Variants in CACNA2D3 observed in about 807,000 individuals in gnomAD.
CACNA2D3 encodes voltage-dependent calcium channel subunit alpha-2/delta-3.
In CACNA2D3, 60 loss-of-function variants were observed where a neutral mutation model predicts 160.6. The ratio of observed to expected loss-of-function variants is 0.37; its 90% CI spans 0.30 to 0.46. The LOEUF is 0.46. Among genes scored for constraint, CACNA2D3 ranks in the 20% least tolerant of loss-of-function variants. The pLI is 1.00. For missense variants in CACNA2D3, 1,205 were observed against 1,365.0 expected (o/e 0.88, Z 1.85); for synonymous variants, 558 against 492.9 (o/e 1.13, Z -1.75).
At chr3:54,634,119 C>A (rs1413912606) in intron 10 of CACNA2D3, among the ~76,000 whole-genome samples, 1 of 152,188 alleles carries the variant, frequency 6.6e-6, no homozygotes, top group Admixed American at 6.5e-5. Flanking sequence ...GCATTAATAT[C>A]TTTAATTTGA....
chr3:54,908,491 A>C (rs1700491965), intron 27 of CACNA2D3, among the ~76,000 whole-genome samples: 1 of 152,114 alleles, frequency 6.6e-6, no homozygotes. Context: ...TGAGTCAGGT[A>C]GATTGCTTGA....
At chr3:54,188,910 GT>G (rs1700930911) in intron 2 of CACNA2D3, among the ~76,000 whole-genome samples, 1 of 152,128 alleles carries the variant, frequency 6.6e-6, no homozygotes, top group Non-Finnish European at 1.5e-5. Context: ...TGTGGTGTTT[GT>G]CCCCAGCAAC....
intron 2 of CACNA2D3, among the ~76,000 whole-genome samples, chr3:54,149,142 C>T (rs1239464302): frequency 6.6e-6 from 1 of 151,960 alleles, no homozygotes; most frequent in Non-Finnish European, 1.5e-5. Context: ...GAGGTAGAAT[C>T]CATACTTGTC....
At chr3:54,238,260 GT>G (rs1315477093) in intron 2 of CACNA2D3, among the ~76,000 whole-genome samples, 10 of 152,092 alleles carry the variant, frequency 6.6e-5, no homozygotes, top group South Asian at 2.1e-4. Context: ...GGAACCTTGG[GT>G]TTTATTTTAG....
intron 2 of CACNA2D3, among the ~76,000 whole-genome samples, chr3:54,268,176 A>T (rs1203442599): frequency 6.6e-6 from 1 of 152,122 alleles, no homozygotes; most frequent in Non-Finnish European, 1.5e-5. Context: ...TCATATGACA[A>T]ATTTTTAATG....
chr3:54,312,425 G>A (rs758333593), intron 2 of CACNA2D3, among the ~76,000 whole-genome samples: 6 of 151,986 alleles, frequency 3.9e-5, no homozygotes, highest in South Asian at 2.1e-4. Context: ...CCCCTCTTCC[G>A]TGTCTGGCTT....
At chr3:54,787,254 T>G (rs946518956) in intron 13 of CACNA2D3, among the ~76,000 whole-genome samples, 2 of 152,250 alleles carry the variant, frequency 1.3e-5, no homozygotes, top group Non-Finnish European at 2.9e-5. Flanking sequence ...CTGATTCTGT[T>G]GGTGTAAACC....
intron 4 of CACNA2D3, among the ~76,000 whole-genome samples, chr3:54,445,555 TACAC>T (rs3028897): frequency 0.16 from 23,207 of 147,142 alleles, 1,910 homozygotes; most frequent in Admixed American, 0.24. Context: ...TTTCTATGTA[TACAC>T]ACACACACAC....
chr3:54,644,668 T>C (rs182334748), intron 11 of CACNA2D3, among the ~76,000 whole-genome samples: 1 of 152,356 alleles, frequency 6.6e-6, no homozygotes, highest in African/African-American at 2.4e-5. Flanking sequence ...GGAATGTGAT[T>C]CCCATAAAAC....
At chr3:54,500,340 A>G (rs974778311) in intron 4 of CACNA2D3, among the ~76,000 whole-genome samples, 3 of 152,100 alleles carry the variant, frequency 2.0e-5, no homozygotes, top group Non-Finnish European at 4.4e-5. Flanking sequence ...TTGTATTTTA[A>G]TCTACTCTGC....
At chr3:54,987,389 AG>A (rs1354406470) in intron 30 of CACNA2D3, among the ~76,000 whole-genome samples, 1 of 152,158 alleles carries the variant, frequency 6.6e-6, no homozygotes, top group Non-Finnish European at 1.5e-5. Context: ...ACTCCATCCA[AG>A]GGTAGTGGGG....
intron 11 of CACNA2D3, among the ~76,000 whole-genome samples, chr3:54,736,106 TATGTATATATATAC>T (rs1278948865): frequency 3.3e-4 from 7 of 21,436 alleles, no homozygotes; most frequent in African/African-American, 6.7e-4. Flanking sequence ...TATACATATA[TATGTATATATATAC>T]ATATATATAT....
intron 2 of CACNA2D3, among the ~76,000 whole-genome samples, chr3:54,198,787 A>T (rs946750448): frequency 1.3e-5 from 2 of 151,912 alleles, no homozygotes; most frequent in Non-Finnish European, 2.9e-5. Flanking sequence ...CTTTAGCCAG[A>T]CCTCCCTGCA....
intron 10 of CACNA2D3, among the ~76,000 whole-genome samples, chr3:54,635,673 C>T (rs1054619069): frequency 6.6e-6 from 1 of 151,816 alleles, no homozygotes; most frequent in Admixed American, 6.6e-5. Flanking sequence ...TTTTTGGTGG[C>T]TGAGCTTGGT....
chr3:55,069,380 G>C lies in CACNA2D3; in HGVS notation c.2988-4065G>C, dbSNP rs1458986. Reference sequence around the variant, plus strand: ...ATGAGTGTTCCTTTCCACCACCATTGTACTTCCCTCCAATTTTTAGCTAGT... The same window carrying C: ...ATGAGTGTTCCTTTCCACCACCATTCTACTTCCCTCCAATTTTTAGCTAGT... On this transcript the variant is annotated intron_variant, in intron 35 of 37. Coordinates refer to ENST00000474759, the MANE Select transcript of CACNA2D3 (RefSeq NM_018398.3). Among the ~76,000 whole-genome samples, 776 of 152,162 alleles carry C rather than the reference G, an allele frequency of 5.1e-3. 5 individuals carry two copies. Among genetic ancestry groups the C allele is most frequent in the African/African-American group, 0.017 (700 of 41,532 alleles).
chr3:54,839,597 C>T (rs749513893), intron 16 of CACNA2D3, among the ~76,000 whole-genome samples: 1 of 152,180 alleles, frequency 6.6e-6, no homozygotes, highest in Non-Finnish European at 1.5e-5. Flanking sequence ...CTCAGATTAA[C>T]GAGGGTTCTC....
intron 2 of CACNA2D3, among the ~76,000 whole-genome samples, chr3:54,163,057 T>C (rs1158297623): frequency 3.9e-5 from 6 of 152,130 alleles, no homozygotes; most frequent in Non-Finnish European, 7.4e-5. Context: ...ATTTGAGAAA[T>C]GGTCAGAAGA....
chr3:54,419,986 A>C (rs994857128), intron 4 of CACNA2D3, among the ~76,000 whole-genome samples: 1 of 151,920 alleles, frequency 6.6e-6, no homozygotes, highest in African/African-American at 2.4e-5. Flanking sequence ...AGCTGGTCTC[A>C]AACTCCTGAC....
intron 2 of CACNA2D3, among the ~76,000 whole-genome samples, chr3:54,274,135 T>A (rs1702682952): frequency 6.6e-6 from 1 of 152,116 alleles, no homozygotes; most frequent in Non-Finnish European, 1.5e-5. Flanking sequence ...TAAAAAAATC[T>A]GCTGTAAAGC....
Sources: allele counts gnomAD v4.1 joint callset (sites outside exome capture counted in the v4.1 genomes callset), GRCh38; gene constraint gnomAD v4.1.1; transcripts MANE v1.5; gene names NCBI Gene and HGNC (gene_info 2026-07-23, HGNC 2026-07-21).